Variants in SLC25A21 observed in about 807,000 individuals in gnomAD.
SLC25A21 encodes solute carrier family 25 member 21, also known as mitochondrial 2-oxodicarboxylate carrier.
Under a neutral mutation model 43.8 loss-of-function variants are expected in SLC25A21, and 47 were observed. The observed-to-expected ratio is 1.07, with a 90% CI of 0.85 to 1.37. SLC25A21 has a LOEUF of 1.37. SLC25A21 is among the 40% of genes most tolerant of loss of function. The pLI is 0.00. For synonymous variants in SLC25A21, 131 were observed against 121.3 expected (o/e 1.08, Z -0.52); for missense variants, 352 against 350.2 (o/e 1.00, Z -0.04).
At chr14:36,704,631 T>C (rs112865825) in intron 7 of SLC25A21, among the ~76,000 whole-genome samples, 25,838 of 137,982 alleles carry the variant, frequency 0.19, 3,296 homozygotes, top group African/African-American at 0.34. Flanking sequence ...CACTCCAGCC[T>C]GGGCAACAGA....
At chr14:37,106,470 T>C (rs948616093) in intron 1 of SLC25A21, among the ~76,000 whole-genome samples, 2 of 152,056 alleles carry the variant, frequency 1.3e-5, no homozygotes, top group Non-Finnish European at 2.9e-5. Flanking sequence ...ACCCTCAGGC[T>C]TACTAAGGTG....
chr14:36,691,203 G>A (rs1882781261), intron 7 of SLC25A21, among the ~76,000 whole-genome samples: 1 of 152,146 alleles, frequency 6.6e-6, no homozygotes, highest in Non-Finnish European at 1.5e-5. Flanking sequence ...TTAGAGACAT[G>A]TGCACTTGCC....
intron 4 of SLC25A21, among the ~76,000 whole-genome samples, chr14:36,730,353 A>G (rs1254013951): frequency 6.6e-6 from 1 of 152,186 alleles, no homozygotes; most frequent in Admixed American, 6.5e-5. Flanking sequence ...ACTGTGCTTG[A>G]ACATGTTTTG....
At chr14:36,771,844 A>G (rs985955545) in intron 3 of SLC25A21, among the ~76,000 whole-genome samples, 2 of 152,144 alleles carry the variant, frequency 1.3e-5, no homozygotes, top group African/African-American at 4.8e-5. Context: ...TAAATTGAAT[A>G]CATCTGAGCT....
intron 1 of SLC25A21, among the ~76,000 whole-genome samples, chr14:37,075,930 T>C (rs867724106): frequency 5.3e-5 from 8 of 152,178 alleles, no homozygotes; most frequent in African/African-American, 1.7e-4. Context: ...GGACATTCAT[T>C]AACAGCTGGA....
At chr14:36,758,056 A>G (rs1398026110) in intron 3 of SLC25A21, among the ~76,000 whole-genome samples, 1 of 152,212 alleles carries the variant, frequency 6.6e-6, no homozygotes, top group African/African-American at 2.4e-5. Flanking sequence ...ATATGCAGCA[A>G]TGAATGCAGA....
chr14:37,166,027 G>A (rs1264626917), intron 1 of SLC25A21, among the ~76,000 whole-genome samples: 1 of 152,164 alleles, frequency 6.6e-6, no homozygotes, highest in East Asian at 1.9e-4. Context: ...ACATGTTTAG[G>A]GGAATTCTGT....
intron 1 of SLC25A21, among the ~76,000 whole-genome samples, chr14:37,006,687 T>C (rs1960611610): frequency 2.6e-5 from 4 of 152,132 alleles, no homozygotes; most frequent in Non-Finnish European, 5.9e-5. Flanking sequence ...TTCCCCAACA[T>C]TTTAATGTTT....
At chr14:36,857,305 C>T (rs747250144) in intron 2 of SLC25A21, among the ~76,000 whole-genome samples, 11 of 152,252 alleles carry the variant, frequency 7.2e-5, no homozygotes, top group Non-Finnish European at 1.5e-4. Flanking sequence ...AGCAACCCTC[C>T]GATGCAAACA....
At chr14:37,150,428 C>T (rs935182214) in intron 1 of SLC25A21, among the ~76,000 whole-genome samples, 2 of 152,080 alleles carry the variant, frequency 1.3e-5, no homozygotes, top group African/African-American at 2.4e-5. Flanking sequence ...CTTTCTTACT[C>T]ATATACATAA....
At chr14:36,866,550 C>T (rs189336510) in intron 2 of SLC25A21, among the ~76,000 whole-genome samples, 5 of 152,212 alleles carry the variant, frequency 3.3e-5, no homozygotes, top group African/African-American at 1.2e-4. Context: ...CAGGTACAAA[C>T]CTTGAAATGC....
intron 1 of SLC25A21, among the ~76,000 whole-genome samples, chr14:37,108,423 G>A (rs1385336914): frequency 6.6e-6 from 1 of 152,098 alleles, no homozygotes; most frequent in African/African-American, 2.4e-5. Flanking sequence ...CAAGAAACTT[G>A]AAAAGGAAGC....
intron 1 of SLC25A21, among the ~76,000 whole-genome samples, chr14:36,963,285 C>G (rs930551995): frequency 1.3e-5 from 2 of 151,984 alleles, no homozygotes; most frequent in African/African-American, 4.8e-5. Context: ...TTTTATTCCC[C>G]AAAGTCATGC....
chr14:37,154,643 ATTTT>A (rs35417690), intron 1 of SLC25A21, among the ~76,000 whole-genome samples: 2 of 144,600 alleles, frequency 1.4e-5, no homozygotes, highest in Admixed American at 6.9e-5. Context: ...TAAAAGATAG[ATTTT>A]TTTTTTTTTT....
intron 1 of SLC25A21, among the ~76,000 whole-genome samples, chr14:36,887,686 T>C (rs765650560): frequency 2.6e-5 from 4 of 152,162 alleles, no homozygotes; most frequent in Non-Finnish European, 4.4e-5. Flanking sequence ...AGAGGGCAGC[T>C]TATAGAGTAC....
At chr14:37,147,409 C>T (rs868002698) in intron 1 of SLC25A21, among the ~76,000 whole-genome samples, 11 of 152,056 alleles carry the variant, frequency 7.2e-5, no homozygotes, top group South Asian at 4.1e-4. Context: ...TGTCTGTCAC[C>T]CTTTCCTTCT....
At chr14:37,078,745 T>G (rs1342465210) in intron 1 of SLC25A21, among the ~76,000 whole-genome samples, 1 of 152,100 alleles carries the variant, frequency 6.6e-6, no homozygotes, top group African/African-American at 2.4e-5. Flanking sequence ...CATCATCAAA[T>G]GTTGGCAACA....
chr14:37,009,478 T>G (rs1271571801), intron 1 of SLC25A21, among the ~76,000 whole-genome samples: 3 of 151,908 alleles, frequency 2.0e-5, no homozygotes, highest in Admixed American at 6.6e-5. Flanking sequence ...AGAGCAAAAC[T>G]TCATCTCAAG....
At chr14:37,009,833 T>C (rs1960691093) in intron 1 of SLC25A21, among the ~76,000 whole-genome samples, 1 of 152,152 alleles carries the variant, frequency 6.6e-6, no homozygotes, top group Admixed American at 6.6e-5. Flanking sequence ...CAATCAACTA[T>C]AAATTCTCAT....
Sources: gnomAD v4.1 joint callset for allele counts (sites outside exome capture counted in the v4.1 genomes callset) on GRCh38, gnomAD v4.1.1 for gene constraint, MANE v1.5 for transcripts, NCBI Gene and HGNC (gene_info 2026-07-23, HGNC 2026-07-21) for gene names.